Variants in IRAK3 observed in about 807,000 individuals in gnomAD.
IRAK3 encodes interleukin 1 receptor associated kinase 3, also known as interleukin-1 receptor-associated kinase 3.
Under a neutral mutation model 56.6 loss-of-function variants are expected in IRAK3, and 57 were observed. The observed-to-expected ratio is 1.01, with a 90% CI of 0.81 to 1.26. The LOEUF is 1.26. Ranked by LOEUF, IRAK3 falls within the 50% of genes most tolerant of loss-of-function variation. The pLI is 0.00. For synonymous variants in IRAK3, 258 were observed against 255.7 expected (o/e 1.01, Z -0.09); for missense variants, 703 against 719.0 (o/e 0.98, Z 0.25).
At chr12:66,189,458 G>A (rs1472967084) in intron 1 of IRAK3, 26 bp downstream of exon 1, 8 of 1,188,554 alleles carry the variant, frequency 6.7e-6, no homozygotes, top group Non-Finnish European at 8.3e-6. Context: ...CCGGCCGGGG[G>A]CGGCGGGGGA....
At chr12:66,203,978 C>T in intron 2 of IRAK3, 85 bp downstream of exon 2, 1 of 1,166,024 alleles carries the variant, frequency 8.6e-7, no homozygotes, top group East Asian at 2.4e-5. Flanking sequence ...TTATCCAAGA[C>T]ATTGACTCAT....
intron 6 of IRAK3, among the ~76,000 whole-genome samples, chr12:66,221,076 A>C (rs1001647273): frequency 6.6e-6 from 1 of 152,074 alleles, no homozygotes; most frequent in African/African-American, 2.4e-5. Flanking sequence ...AACGCACAAA[A>C]TTTTCACCTC....
chr12:66,228,441 A>T, intron 8 of IRAK3, 71 bp downstream of exon 8: 1 of 990,302 alleles, frequency 1.0e-6, no homozygotes, highest in African/African-American at 1.6e-5. Flanking sequence ...CATACTTCAC[A>T]CTATTCTCTG....
chr12:66,225,962 T>G (rs898673677), intron 6 of IRAK3, among the ~76,000 whole-genome samples: 1 of 152,174 alleles, frequency 6.6e-6, no homozygotes, highest in African/African-American at 2.4e-5. Context: ...ATGAAAATGG[T>G]CTTTATTCTT....
At chr12:66,240,253 AG>A (rs1056941363) in intron 8 of IRAK3, among the ~76,000 whole-genome samples, 2 of 152,198 alleles carry the variant, frequency 1.3e-5, no homozygotes, top group African/African-American at 2.4e-5. Context: ...AAACAGGCTT[AG>A]GGGGGTTGTG....
At chr12:66,202,881 A>G (rs2136918649) in intron 1 of IRAK3, among the ~76,000 whole-genome samples, 1 of 152,168 alleles carries the variant, frequency 6.6e-6, no homozygotes, top group Middle Eastern at 3.4e-3. Context: ...AAGCTAGAAT[A>G]ATTTTAGCAA....
chr12:66,226,176 G>T (rs1326399590), intron 6 of IRAK3, among the ~76,000 whole-genome samples: 1 of 151,360 alleles, frequency 6.6e-6, no homozygotes, highest in Non-Finnish European at 1.5e-5. Context: ...CTTATATTTG[G>T]ATGTTTTATT....
chr12:66,213,862 G>A (rs1025334351), intron 5 of IRAK3, among the ~76,000 whole-genome samples: 1 of 151,828 alleles, frequency 6.6e-6, no homozygotes, highest in Non-Finnish European at 1.5e-5. Context: ...TCTGGCCAGA[G>A]TAACCACTCA....
At chr12:66,195,259 C>G (rs1258367041) in intron 1 of IRAK3, among the ~76,000 whole-genome samples, 1 of 152,166 alleles carries the variant, frequency 6.6e-6, no homozygotes, top group Non-Finnish European at 1.5e-5. Flanking sequence ...CATTTCTTAC[C>G]ACTGCCACCG....
chr12:66,233,520 A>G (rs1453932369), intron 8 of IRAK3, among the ~76,000 whole-genome samples: 1 of 20,448 alleles, frequency 4.9e-5, no homozygotes, highest in African/African-American at 1.3e-4. Flanking sequence ...TCCGTCTCGG[A>G]AAAAAAAAAA....
rs922833753 is a variant in IRAK3, at chr12:66,191,375, C to T, written c.133+1943C>T. On this transcript the variant is annotated intron_variant, in intron 1 of 11. Coordinates refer to ENST00000261233, the MANE Select transcript of IRAK3 (RefSeq NM_007199.3). ...TAGTTGCTACAGTTTAACCCAGTTA[C>T]TGATAGTTTAACTTGTTAGATACTG... Among the ~76,000 whole-genome samples, 3 of 152,300 alleles carry T rather than the reference C, an allele frequency of 2.0e-5. 1 individual carries two copies. The highest frequency in any genetic ancestry group is 4.4e-5 in the Non-Finnish European group (3 of 68,032).
chr12:66,197,070 G>C (rs933874192), intron 1 of IRAK3: 1 of 1,398,712 alleles, frequency 7.1e-7, no homozygotes, highest in East Asian at 2.8e-5. Flanking sequence ...TCTCAAAACA[G>C]CCTTCAAGGA....
chr12:66,221,104 C>T (rs1309434512), intron 6 of IRAK3, among the ~76,000 whole-genome samples: 3 of 152,034 alleles, frequency 2.0e-5, no homozygotes, highest in African/African-American at 7.2e-5. Context: ...AAATTTATTC[C>T]TAAGTGTTTT....
At chr12:66,214,930 A>T (rs986805201) in intron 5 of IRAK3, among the ~76,000 whole-genome samples, 8 of 152,178 alleles carry the variant, frequency 5.3e-5, no homozygotes, top group African/African-American at 1.7e-4. Context: ...GTTGGATAGG[A>T]GTGGGGAAGA....
chr12:66,237,217 A>C (rs2052917295), intron 8 of IRAK3, among the ~76,000 whole-genome samples: 1 of 152,128 alleles, frequency 6.6e-6, no homozygotes, highest in Admixed American at 6.5e-5. Flanking sequence ...TGATAGACTG[A>C]AAGCACAACC....
Position 66,245,100 on chromosome 12 carries a change from G to A in IRAK3, c.1152G>A (p.Arg384=), listed in dbSNP as rs35018212. 1.9e-6 allele frequency: 3 copies of A among 1,614,082 alleles called. No individual in the cohort carries two copies. Among genetic ancestry groups the A allele is most frequent in the African/African-American group, 2.7e-5 (2 of 75,020 alleles). The change falls in exon 11 of 12, where the codon CGG becomes CGA. Residue 384 remains arginine (R), a splice_region_variant and synonymous_variant. Coordinates refer to ENST00000261233, the MANE Select transcript of IRAK3 (RefSeq NM_007199.3). ...AAATTGTCTCCCTCTCTTCCAAGCG[G>A]GATCTCCTTAGAGAATTGATGGAGA... The part of the protein sequence containing the change: ...VLDDPKHIQL[R]DLLRELMEKR...
chr12:66,244,213 T>C (rs1167455045), intron 8 of IRAK3, among the ~76,000 whole-genome samples: 1 of 152,266 alleles, frequency 6.6e-6, no homozygotes, highest in Non-Finnish European at 1.5e-5. Flanking sequence ...TGAGAAAGCA[T>C]CAGCTTTATC....
At chr12:66,210,436 A>C (rs1166027918) in intron 4 of IRAK3, among the ~76,000 whole-genome samples, 2 of 34,566 alleles carry the variant, frequency 5.8e-5, no homozygotes, top group African/African-American at 1.1e-4. Context: ...TGGTCTCTTC[A>C]CACGGGGGAT....
At chr12:66,203,012 G>C (rs910877182) in intron 1 of IRAK3, among the ~76,000 whole-genome samples, 4 of 151,972 alleles carry the variant, frequency 2.6e-5, no homozygotes, top group Non-Finnish European at 5.9e-5. Context: ...AGGGACAGCT[G>C]TTTCTTACCA....
Sources: gnomAD v4.1 joint callset for allele counts (sites outside exome capture counted in the v4.1 genomes callset) on GRCh38, gnomAD v4.1.1 for gene constraint, MANE v1.5 for transcripts, NCBI Gene and HGNC (gene_info 2026-07-23, HGNC 2026-07-21) for gene names.